Variants in C12orf42 observed in about 807,000 individuals in gnomAD.
The protein encoded by C12orf42 is uncharacterized protein C12orf42.
Under a neutral mutation model 21.6 loss-of-function variants are expected in C12orf42, and 25 were observed. The observed-to-expected ratio is 1.16, with a 90% CI of 0.84 to 1.62. C12orf42 has a LOEUF of 1.62. Ranked by LOEUF, C12orf42 falls within the 40% of genes most tolerant of loss-of-function variation. The pLI, the probability that C12orf42 is intolerant of heterozygous loss-of-function variation, is 0.00. For synonymous variants in C12orf42, 174 were observed against 175.0 expected (o/e 0.99, Z 0.05); for missense variants, 483 against 459.3 (o/e 1.05, Z -0.47).
At chr12:103,472,306 G>A (rs953449503) in intron 2 of C12orf42, among the ~76,000 whole-genome samples, 12 of 151,742 alleles carry the variant, frequency 7.9e-5, no homozygotes, top group East Asian at 5.8e-4. Flanking sequence ...CGCCCGCCTC[G>A]GCCTCCCAAA....
chr12:103,476,367 G>T (rs1339553164), intron 2 of C12orf42, among the ~76,000 whole-genome samples: 3 of 152,166 alleles, frequency 2.0e-5, no homozygotes, highest in Non-Finnish European at 2.9e-5. Context: ...GCAGCTCCAG[G>T]CTATATCCTT....
the C12orf42 span, among the ~76,000 whole-genome samples, chr12:103,100,168 T>C: frequency 6.6e-6 from 1 of 152,242 alleles, no homozygotes; most frequent in Non-Finnish European, 1.5e-5. Context: ...GCCCAGTGTG[T>C]CTTGCCTGTG....
At chr12:103,132,187 G>C in the C12orf42 span, among the ~76,000 whole-genome samples, 6 of 152,080 alleles carry the variant, frequency 3.9e-5, no homozygotes, top group Non-Finnish European at 7.4e-5. Context: ...CTACAAATAA[G>C]AACTGAATTA....
chr12:103,460,334 T>C (rs978758148), intron 2 of C12orf42, among the ~76,000 whole-genome samples: 21 of 151,704 alleles, frequency 1.4e-4, no homozygotes, highest in Non-Finnish European at 1.9e-4. Context: ...AAGATTACTA[T>C]GGGCCAGGTC....
the C12orf42 span, among the ~76,000 whole-genome samples, chr12:103,210,241 G>A: frequency 6.6e-6 from 1 of 151,940 alleles, no homozygotes; most frequent in Non-Finnish European, 1.5e-5. Flanking sequence ...GTTGTGTCTA[G>A]GTAAATGTTC....
chr12:103,059,250 A>G, the C12orf42 span, among the ~76,000 whole-genome samples: 11 of 152,318 alleles, frequency 7.2e-5, no homozygotes, highest in East Asian at 1.9e-3. Flanking sequence ...ATTCCTGGAC[A>G]CATACACTCT....
downstream of C12orf42, among the ~76,000 whole-genome samples, chr12:103,298,224 A>G (rs2037428933): frequency 6.6e-6 from 1 of 152,208 alleles, no homozygotes; most frequent in Non-Finnish European, 1.5e-5. Flanking sequence ...TCAGCCCAAA[A>G]TCTCCTTAAG....
chr12:103,563,754 AG>A, the C12orf42 span, among the ~76,000 whole-genome samples: 1 of 152,264 alleles, frequency 6.6e-6, no homozygotes, highest in Non-Finnish European at 1.5e-5. Context: ...GTTGGGACAC[AG>A]AAAAGGAAAG....
chr12:103,466,980 C>T (rs190939856), intron 2 of C12orf42, among the ~76,000 whole-genome samples: 4 of 152,342 alleles, frequency 2.6e-5, no homozygotes, highest in African/African-American at 9.6e-5. Context: ...CAACACACCC[C>T]AGCCAAAATC....
chr12:103,490,979 A>C (rs1955148887), intron 1 of C12orf42, among the ~76,000 whole-genome samples: 1 of 152,132 alleles, frequency 6.6e-6, no homozygotes, highest in African/African-American at 2.4e-5. Context: ...ATTAGCATCT[A>C]TATGCCTGCA....
intron 5 of C12orf42, among the ~76,000 whole-genome samples, chr12:103,303,611 C>A (rs1051021027): frequency 4.6e-5 from 7 of 152,180 alleles, no homozygotes; most frequent in Non-Finnish European, 8.8e-5. Flanking sequence ...CTTCCTAACA[C>A]TGGATGTCAA....
the C12orf42 span, among the ~76,000 whole-genome samples, chr12:103,152,382 G>C: frequency 6.6e-6 from 1 of 152,286 alleles, no homozygotes; most frequent in Admixed American, 6.5e-5. Context: ...AATCTATAGA[G>C]AACATCATAC....
the C12orf42 span, among the ~76,000 whole-genome samples, chr12:103,096,760 G>A: frequency 1.3e-5 from 2 of 152,170 alleles, no homozygotes; most frequent in Admixed American, 6.5e-5. Context: ...GATGGGTGGA[G>A]AAACTTACAC....
intron 2 of C12orf42, among the ~76,000 whole-genome samples, chr12:103,459,272 A>C (rs1952526026): frequency 1.3e-5 from 2 of 152,302 alleles, no homozygotes; most frequent in South Asian, 4.1e-4. Context: ...ACTGCTTTTT[A>C]ATTAGTGATA....
chr12:103,178,153 A>C, the C12orf42 span: 3 of 152,332 alleles, frequency 2.0e-5, no homozygotes, highest in East Asian at 5.8e-4. Flanking sequence ...TTTTGTACTA[A>C]GCCAACTTCT....
chr12:103,434,876 G>C (rs1292094926), intron 2 of C12orf42, among the ~76,000 whole-genome samples: 1 of 152,240 alleles, frequency 6.6e-6, no homozygotes, highest in Non-Finnish European at 1.5e-5. Context: ...CAGCCGGGAA[G>C]CTCGAACTGG....
Position 103,466,352 on chromosome 12 carries a change from G to A in C12orf42, c.78+11997C>T, listed in dbSNP as rs533597332. ...AATTCAATATTTCCCAAAACTTGGT[G>A]CTCATCAGAGTCTCCCAGAGGGTTT... On this transcript the variant is annotated intron_variant, in intron 2 of 5. Coordinates refer to ENST00000548883, the MANE Select transcript of C12orf42 (RefSeq NM_198521.5). Among the ~76,000 whole-genome samples the A allele has an allele frequency of 3.1e-4, 47 of 151,992 alleles. 1 individual carries two copies.
At chr12:103,112,291 T>C in the C12orf42 span, among the ~76,000 whole-genome samples, 3 of 152,220 alleles carry the variant, frequency 2.0e-5, no homozygotes, top group Non-Finnish European at 2.9e-5. Context: ...AGCTTAAGAA[T>C]ATGCCTTTGC....
the C12orf42 span, among the ~76,000 whole-genome samples, chr12:103,532,324 C>A: frequency 2.0e-5 from 3 of 152,204 alleles, no homozygotes; most frequent in South Asian, 4.1e-4. Context: ...TTATAACATA[C>A]AAAGTAGAAA....
Sources: gnomAD v4.1 joint callset for allele counts (sites outside exome capture counted in the v4.1 genomes callset) on GRCh38, gnomAD v4.1.1 for gene constraint, MANE v1.5 for transcripts, NCBI Gene and HGNC (gene_info 2026-07-23, HGNC 2026-07-21) for gene names.